The following UNC13C variants were observed in gnomAD, a reference collection of about 807,000 sequenced individuals.
The protein encoded by UNC13C is protein unc-13 homolog C.
Under a neutral mutation model 245.4 loss-of-function variants are expected in UNC13C, and 174 were observed. That is an observed-to-expected ratio of 0.71 (90% CI 0.63 to 0.80). The LOEUF is 0.80. Ranked by LOEUF, UNC13C falls within the 30% of genes least tolerant of loss-of-function variation. The pLI, the probability that UNC13C is intolerant of heterozygous loss-of-function variation, is 0.00. For synonymous variants in UNC13C, 992 were observed against 895.1 expected (o/e 1.11, Z -1.93); for missense variants, 2,829 against 2,602.9 (o/e 1.09, Z -1.89).
chr15:54,258,835 A>C lies in UNC13C; in HGVS notation c.3449-5333A>C, dbSNP rs114383832. Among the ~76,000 whole-genome samples the C allele has an allele frequency of 2.6e-3, 403 of 152,358 alleles. 2 individuals carry two copies. Among genetic ancestry groups the C allele is most frequent in the African/African-American group, 9.3e-3 (388 of 41,586 alleles). ...ATCTGTTTTTCAGATGAAGAAGCTAAAGTTGAGAGAGATAAACTAACAAGC... is the reference window on the plus strand; with the variant it reads ...ATCTGTTTTTCAGATGAAGAAGCTACAGTTGAGAGAGATAAACTAACAAGC... On this transcript the variant is annotated intron_variant, in intron 8 of 32. Transcript: ENST00000260323.
chr15:54,318,472 A>C (rs1485648572), intron 13 of UNC13C, among the ~76,000 whole-genome samples: 1 of 151,776 alleles, frequency 6.6e-6, no homozygotes, highest in African/African-American at 2.4e-5. Context: ...TTCCCTGATG[A>C]TTGGTGATGT....
At chr15:54,318,832 CA>C (rs768876447) in intron 13 of UNC13C, among the ~76,000 whole-genome samples, 2 of 151,810 alleles carry the variant, frequency 1.3e-5, no homozygotes, top group East Asian at 3.9e-4. Context: ...ATAATTATGT[CA>C]TTTTTTACAT....
chr15:54,544,517 G>T (rs1896399778), intron 26 of UNC13C, among the ~76,000 whole-genome samples: 1 of 152,196 alleles, frequency 6.6e-6, no homozygotes, highest in South Asian at 2.1e-4. Flanking sequence ...GTCTCTGTTT[G>T]CAGATGACAT....
chr15:54,032,065 A>G (rs979126341), intron 2 of UNC13C, among the ~76,000 whole-genome samples: 1 of 152,206 alleles, frequency 6.6e-6, no homozygotes, highest in Non-Finnish European at 1.5e-5. Context: ...ATGAGTCTAC[A>G]TGTCTTAAAG....
At chr15:54,552,526 TAATA>T (rs1896818943) in intron 28 of UNC13C, among the ~76,000 whole-genome samples, 1 of 65,378 alleles carries the variant, frequency 1.5e-5, no homozygotes, top group African/African-American at 8.0e-5. Context: ...ATATTATATA[TAATA>T]ATATAATTAT....
intron 2 of UNC13C, among the ~76,000 whole-genome samples, chr15:54,042,475 T>A (rs111348416): frequency 2.0e-5 from 3 of 152,224 alleles, no homozygotes; most frequent in African/African-American, 7.2e-5. Context: ...AAGTGAAGAA[T>A]CTTATATTCC....
chr15:54,390,053 G>A (rs1001660038), intron 17 of UNC13C, among the ~76,000 whole-genome samples: 2 of 152,090 alleles, frequency 1.3e-5, no homozygotes, highest in African/African-American at 4.8e-5. Flanking sequence ...TCTACCAGAG[G>A]TCTCCTCCCA....
chr15:53,935,168 C>G, the UNC13C span, among the ~76,000 whole-genome samples: 1 of 146,518 alleles, frequency 6.8e-6, no homozygotes, highest in Non-Finnish European at 1.5e-5. Flanking sequence ...AAAAAAAAAA[C>G]CTCTTTCAAT....
At position 54,333,230 on chromosome 15, in the gene UNC13C, T is replaced by C. The variant is rs538408855; in HGVS notation, c.4495-537T>C. ...TCAAAATTATAAACATCTGTATTTTTAAATGATGCTTCTCATCAAACCTCG... is the reference window on the plus strand; with the variant it reads ...TCAAAATTATAAACATCTGTATTTTCAAATGATGCTTCTCATCAAACCTCG... On this transcript the variant is annotated intron_variant, in intron 15 of 32. Transcript: ENST00000260323. 2.5e-4 allele frequency among the ~76,000 whole-genome samples: 38 copies of C among 152,258 alleles called. 1 individual carries two copies. Among genetic ancestry groups the C allele is most frequent in the Admixed American group, 6.6e-4 (10 of 15,256 alleles).
chr15:54,172,289 C>A (rs563668270), intron 4 of UNC13C, among the ~76,000 whole-genome samples: 2 of 151,946 alleles, frequency 1.3e-5, no homozygotes, highest in Admixed American at 1.3e-4. Context: ...AGCATACATT[C>A]TTCAGGTGAA....
chr15:54,243,568 T>A (rs2035916243), intron 7 of UNC13C, among the ~76,000 whole-genome samples: 1 of 150,178 alleles, frequency 6.7e-6, no homozygotes, highest in South Asian at 2.1e-4. Context: ...TCTTCTACTA[T>A]GATTGAGCTA....
rs867212004 is a variant in UNC13C at position 54,455,187 on chromosome 15, C to G, written c.4934-39421C>G. Among the ~76,000 whole-genome samples the G allele has an allele frequency of 9.5e-4, 41 of 43,070 alleles. 1 individual carries two copies. Among genetic ancestry groups the G allele is most frequent in the African/African-American group, 2.9e-3 (37 of 12,946 alleles). 28.3% of individuals were successfully genotyped at this position (43,070 alleles called of 152,430 possible). A position where few individuals can be genotyped will look rare whatever the true frequency, so the allele number is the denominator to read the frequency against. On this transcript the variant is annotated intron_variant, in intron 19 of 32. Coordinates refer to ENST00000260323, the MANE Select transcript of UNC13C (RefSeq NM_001080534.3). ...TTCCTCTCTCTCTCTCTCTCTCTCT[C>G]TCTCTCTCTCTCTCTCTCTATATAT...
intron 19 of UNC13C, among the ~76,000 whole-genome samples, chr15:54,494,057 G>A (rs980695041): frequency 6.6e-6 from 1 of 151,960 alleles, no homozygotes; most frequent in Admixed American, 6.6e-5. Flanking sequence ...ATGCTTTAGG[G>A]GGTAAATAAC....
At chr15:54,402,410 T>C (rs555252171) in intron 18 of UNC13C, among the ~76,000 whole-genome samples, 2 of 152,284 alleles carry the variant, frequency 1.3e-5, no homozygotes, top group East Asian at 1.9e-4. Flanking sequence ...CCAATAATTA[T>C]ACTAATTTAA....
intron 28 of UNC13C, among the ~76,000 whole-genome samples, chr15:54,553,977 G>T (rs1896985985): frequency 6.6e-6 from 1 of 151,844 alleles, no homozygotes; most frequent in Non-Finnish European, 1.5e-5. Context: ...TAAAAACTGT[G>T]AAATGAACTC....
chr15:54,175,419 G>T (rs1665825226), intron 4 of UNC13C, among the ~76,000 whole-genome samples: 1 of 151,836 alleles, frequency 6.6e-6, no homozygotes, highest in South Asian at 2.1e-4. Flanking sequence ...AGTAAACCAA[G>T]GTGAGTCTTC....
chr15:54,411,190 T>C (rs2040409643), intron 18 of UNC13C, among the ~76,000 whole-genome samples: 1 of 152,198 alleles, frequency 6.6e-6, no homozygotes, highest in Admixed American at 6.5e-5. Flanking sequence ...TATTGAGTAA[T>C]GTTTTTTCTC....
chr15:54,008,803 A>G (rs919020137), intron 1 of UNC13C, among the ~76,000 whole-genome samples: 3 of 152,168 alleles, frequency 2.0e-5, no homozygotes, highest in African/African-American at 4.8e-5. Context: ...CGTACAAATG[A>G]TTGTTTCATA....
intron 2 of UNC13C, among the ~76,000 whole-genome samples, chr15:54,122,223 C>T (rs925844927): frequency 6.6e-6 from 1 of 151,688 alleles, no homozygotes; most frequent in Admixed American, 6.6e-5. Context: ...TGATCTTACA[C>T]TTAATAATTT....
Sources: allele counts gnomAD v4.1 joint callset (sites outside exome capture counted in the v4.1 genomes callset), GRCh38; gene constraint gnomAD v4.1.1; transcripts MANE v1.5; gene names NCBI Gene and HGNC (gene_info 2026-07-23, HGNC 2026-07-21).